CDH12: variants seen among roughly 807,000 people sequenced by gnomAD.
The protein encoded by CDH12 is cadherin-12.
A neutral mutation model predicts 74.1 loss-of-function variants in CDH12; 41 were observed. The ratio of observed to expected loss-of-function variants is 0.55; its 90% CI spans 0.43 to 0.72. CDH12 has a LOEUF of 0.72. CDH12 is among the 30% of genes least tolerant of loss of function. The pLI is 0.00. For missense variants in CDH12, 945 were observed against 977.2 expected (o/e 0.97, Z 0.44); for synonymous variants, 399 against 355.0 (o/e 1.12, Z -1.39).
At chr5:22,294,484 A>G (rs1737538313) in intron 3 of CDH12, among the ~76,000 whole-genome samples, 1 of 152,200 alleles carries the variant, frequency 6.6e-6, no homozygotes, top group South Asian at 2.1e-4. Context: ...AGTATCCCTC[A>G]GGGAAAGGCA....
intron 11 of CDH12, among the ~76,000 whole-genome samples, chr5:21,779,993 T>C (rs755484654): frequency 6.6e-6 from 1 of 152,218 alleles, no homozygotes; most frequent in Non-Finnish European, 1.5e-5. Flanking sequence ...TCCTTTATGG[T>C]TCTAATATCT....
At chr5:22,166,766 G>T (rs1580349606) in intron 4 of CDH12, among the ~76,000 whole-genome samples, 2 of 152,020 alleles carry the variant, frequency 1.3e-5, no homozygotes. Context: ...TCAAATTTGA[G>T]ATACATTGTT....
At chr5:22,261,887 A>G (rs1753528393) in intron 3 of CDH12, among the ~76,000 whole-genome samples, 1 of 152,086 alleles carries the variant, frequency 6.6e-6, no homozygotes, top group Admixed American at 6.6e-5. Context: ...CTTACCCTCA[A>G]ACAACAAACC....
chr5:22,745,879 T>C (rs1471172423), intron 1 of CDH12, among the ~76,000 whole-genome samples: 5 of 152,248 alleles, frequency 3.3e-5, no homozygotes, highest in African/African-American at 9.6e-5. Flanking sequence ...TGTTTATCTA[T>C]GTAAAAGGCC....
intron 5 of CDH12, among the ~76,000 whole-genome samples, chr5:22,056,194 C>T (rs1289725421): frequency 6.6e-6 from 1 of 151,984 alleles, no homozygotes; most frequent in Non-Finnish European, 1.5e-5. Flanking sequence ...TATGTATAAT[C>T]ACATTTATTT....
At chr5:21,882,801 C>G in intron 6 of CDH12, 1 of 1,564,140 alleles carries the variant, frequency 6.4e-7, no homozygotes, top group Non-Finnish European at 8.8e-7. Context: ...CTGGGGAAGT[C>G]CCAACGTAAC....
chr5:22,850,782 C>T (rs1255327357), intron 1 of CDH12, among the ~76,000 whole-genome samples: 1 of 152,046 alleles, frequency 6.6e-6, no homozygotes, highest in Non-Finnish European at 1.5e-5. Context: ...TTTTATTACC[C>T]AAGCCCTTAG....
chr5:22,775,293 A>T (rs985110188), intron 1 of CDH12, among the ~76,000 whole-genome samples: 3 of 152,062 alleles, frequency 2.0e-5, no homozygotes, highest in African/African-American at 7.2e-5. Context: ...CCACGGTCAA[A>T]ACTAGATTTG....
intron 1 of CDH12, among the ~76,000 whole-genome samples, chr5:22,823,318 G>T (rs931182743): frequency 6.6e-6 from 1 of 151,914 alleles, no homozygotes; most frequent in Non-Finnish European, 1.5e-5. Flanking sequence ...CACCAGCATG[G>T]CACATGTATA....
intron 1 of CDH12, among the ~76,000 whole-genome samples, chr5:22,842,822 T>C (rs1315761954): frequency 6.6e-6 from 1 of 152,134 alleles, no homozygotes; most frequent in East Asian, 1.9e-4. Flanking sequence ...AACTTAATTC[T>C]ATCATGGTAA....
intron 5 of CDH12, among the ~76,000 whole-genome samples, chr5:22,015,369 C>T (rs1295304885): frequency 4.6e-5 from 7 of 152,022 alleles, no homozygotes; most frequent in Admixed American, 3.3e-4. Context: ...TAGAGATATA[C>T]ATATTGTACC....
intron 1 of CDH12, among the ~76,000 whole-genome samples, chr5:22,621,285 C>T (rs545257291): frequency 2.0e-5 from 3 of 152,158 alleles, no homozygotes; most frequent in Non-Finnish European, 2.9e-5. Context: ...TAATCAATCA[C>T]ACCTGTGAAG....
At chr5:21,938,723 C>CATATGTAT (rs1554046013) in intron 6 of CDH12, among the ~76,000 whole-genome samples, 2 of 112,078 alleles carry the variant, frequency 1.8e-5, no homozygotes, top group African/African-American at 8.0e-5. Context: ...ATATAATATA[C>CATATGTAT]ATATATATAT....
intron 1 of CDH12, among the ~76,000 whole-genome samples, chr5:22,797,282 A>G (rs751849306): frequency 1.3e-5 from 2 of 151,840 alleles, no homozygotes; most frequent in African/African-American, 2.4e-5. Context: ...ACCAGGGAAC[A>G]GGCCCTCATC....
intron 2 of CDH12, among the ~76,000 whole-genome samples, chr5:22,423,646 G>C (rs1197810175): frequency 6.6e-6 from 1 of 152,114 alleles, no homozygotes; most frequent in African/African-American, 2.4e-5. Context: ...AAATATCATA[G>C]AGATTATGAG....
At chr5:21,911,412 TTTAG>T (rs1229809365) in intron 6 of CDH12, among the ~76,000 whole-genome samples, 11 of 152,074 alleles carry the variant, frequency 7.2e-5, no homozygotes, top group Non-Finnish European at 1.3e-4. Context: ...TTACTTAAGG[TTTAG>T]TTAGAGGACT....
chr5:22,236,482 C>T lies in CDH12; in HGVS notation c.-332-23839G>A, dbSNP rs189073744. Among the ~76,000 whole-genome samples, 675 of 151,942 alleles carry T rather than the reference C, an allele frequency of 4.4e-3. 5 individuals carry two copies. The highest frequency in any genetic ancestry group is 0.016 in the African/African-American group (652 of 41,266). ...GCACGGTGGCTCACACCTGTAATCCCGGCACTTTGGGAGGCCGAGGTGGGC... is the reference window on the plus strand; with the variant it reads ...GCACGGTGGCTCACACCTGTAATCCTGGCACTTTGGGAGGCCGAGGTGGGC... On this transcript the variant is annotated intron_variant, in intron 3 of 14. Coordinates refer to ENST00000382254, the MANE Select transcript of CDH12 (RefSeq NM_004061.5).
intron 2 of CDH12, among the ~76,000 whole-genome samples, chr5:22,502,973 A>G (rs1014074163): frequency 2.6e-5 from 4 of 151,838 alleles, no homozygotes; most frequent in African/African-American, 7.3e-5. Flanking sequence ...ATTTTTATCT[A>G]TTTCTCTTTA....
intron 3 of CDH12, among the ~76,000 whole-genome samples, chr5:22,368,752 T>C (rs1002710368): frequency 8.5e-5 from 13 of 152,206 alleles, no homozygotes; most frequent in African/African-American, 3.1e-4. Context: ...TTCATATTTC[T>C]AGTGACAATG....
Sources: gnomAD v4.1 joint callset for allele counts (sites outside exome capture counted in the v4.1 genomes callset) on GRCh38, gnomAD v4.1.1 for gene constraint, MANE v1.5 for transcripts, NCBI Gene and HGNC (gene_info 2026-07-23, HGNC 2026-07-21) for gene names.